The following STIM2 variants were observed in gnomAD, a reference collection of about 807,000 sequenced individuals.
STIM2 encodes the protein stromal interaction molecule 2.
Under a neutral mutation model 85.8 loss-of-function variants are expected in STIM2, and 31 were observed. That is an observed-to-expected ratio of 0.36 (90% CI 0.27 to 0.49). The LOEUF is 0.49. Ranked by LOEUF, STIM2 falls within the 20% of genes least tolerant of loss-of-function variation. The pLI, the probability that STIM2 is intolerant of heterozygous loss-of-function variation, is 0.98. For missense variants in STIM2, 841 were observed against 927.6 expected (o/e 0.91, Z 1.21); for synonymous variants, 356 against 331.1 (o/e 1.08, Z -0.82).
intron 1 of STIM2, among the ~76,000 whole-genome samples, chr4:26,900,371 A>T (rs1723873725): frequency 6.6e-6 from 1 of 152,200 alleles, no homozygotes; most frequent in Admixed American, 6.5e-5. Context: ...ACATGACATT[A>T]GGGGGAAAGA....
chr4:27,007,915 T>A, intron 8 of STIM2: 1 of 725,704 alleles, frequency 1.4e-6, no homozygotes, highest in South Asian at 1.6e-5. Context: ...AAAGTGACCT[T>A]AGTGATTTAA....
At chr4:26,884,698 G>A (rs1441836864) in intron 1 of STIM2, among the ~76,000 whole-genome samples, 2 of 152,176 alleles carry the variant, frequency 1.3e-5, no homozygotes, top group African/African-American at 4.8e-5. Flanking sequence ...CACCATTGGG[G>A]GATTAAGTAT....
At chr4:26,966,812 C>A (rs1431263411) in intron 3 of STIM2, among the ~76,000 whole-genome samples, 1 of 151,694 alleles carries the variant, frequency 6.6e-6, no homozygotes, top group African/African-American at 2.4e-5. Context: ...AATTAAAAAC[C>A]GTTTCAATCT....
At chr4:26,939,666 A>T (rs929600008) in intron 2 of STIM2, among the ~76,000 whole-genome samples, 8 of 152,030 alleles carry the variant, frequency 5.3e-5, no homozygotes, top group African/African-American at 1.7e-4. Flanking sequence ...ATGTTTGAAA[A>T]TTTTTATGCG....
At chr4:26,938,658 G>A (rs1725481637) in intron 2 of STIM2, among the ~76,000 whole-genome samples, 2 of 152,184 alleles carry the variant, frequency 1.3e-5, no homozygotes, top group Non-Finnish European at 2.9e-5. Context: ...AAAGTGCTAA[G>A]CTATATCAGG....
intron 1 of STIM2, among the ~76,000 whole-genome samples, chr4:26,875,263 C>G (rs1039709995): frequency 1.3e-5 from 2 of 152,090 alleles, no homozygotes; most frequent in Non-Finnish European, 1.5e-5. Flanking sequence ...TTTATGAGAT[C>G]TGTTCAAAAA....
chr4:26,921,519 C>T (rs760334291), intron 2 of STIM2, among the ~76,000 whole-genome samples: 4 of 152,194 alleles, frequency 2.6e-5, no homozygotes, highest in South Asian at 2.1e-4. Flanking sequence ...CAAGAACTAA[C>T]GGGCATGGCT....
chr4:26,865,035 G>C (rs1722348743), intron 1 of STIM2, among the ~76,000 whole-genome samples: 1 of 152,118 alleles, frequency 6.6e-6, no homozygotes, highest in East Asian at 1.9e-4. Flanking sequence ...TGTGACCGTA[G>C]ACTCAAAGTG....
chr4:26,990,875 A>G (rs985711834), intron 3 of STIM2, among the ~76,000 whole-genome samples: 3 of 152,162 alleles, frequency 2.0e-5, no homozygotes, highest in Non-Finnish European at 2.9e-5. Flanking sequence ...CCAAACTACA[A>G]TGAGATATTA....
chr4:26,928,836 C>G (rs1577443783), intron 2 of STIM2, among the ~76,000 whole-genome samples: 1 of 152,250 alleles, frequency 6.6e-6, no homozygotes, highest in Non-Finnish European at 1.5e-5. Flanking sequence ...AAAACTTAGG[C>G]TTAAAAAGTA....
At chr4:26,915,281 G>A (rs979687589) in intron 1 of STIM2, among the ~76,000 whole-genome samples, 1 of 151,956 alleles carries the variant, frequency 6.6e-6, no homozygotes, top group Non-Finnish European at 1.5e-5. Context: ...GTTACCCAGG[G>A]TGGAGTGTAG....
intron 1 of STIM2, among the ~76,000 whole-genome samples, chr4:26,893,100 T>C (rs962658212): frequency 9.9e-5 from 15 of 152,234 alleles, no homozygotes; most frequent in Admixed American, 9.8e-4. Flanking sequence ...GTGGCACTAA[T>C]GTATGCAGTT....
chr4:26,995,377 A>G lies in STIM2; in HGVS notation c.398-2A>G. ...TATGCATTCCCCTTTTATCTCCTGC[A>G]GTTCATAATTGGACCCTTGAAGACA... On this transcript the variant is annotated splice_acceptor_variant, in intron 3 of 11. Transcript: ENST00000467087. LOFTEE classifies it high-confidence loss of function. The G allele has an allele frequency of 6.5e-7, 1 of 1,542,398 alleles. No homozygotes were observed. The highest frequency in any genetic ancestry group is 8.8e-7 in the Non-Finnish European group (1 of 1,140,470).
At chr4:27,000,033 C>T (rs1286120525) in intron 5 of STIM2, among the ~76,000 whole-genome samples, 2 of 149,520 alleles carry the variant, frequency 1.3e-5, no homozygotes, top group Non-Finnish European at 3.0e-5. Context: ...TTGAAAAGTA[C>T]ACCTTTTAAA....
intron 1 of STIM2, among the ~76,000 whole-genome samples, chr4:26,904,620 C>T (rs1251764454): frequency 1.3e-5 from 2 of 151,954 alleles, no homozygotes; most frequent in Non-Finnish European, 2.9e-5. Flanking sequence ...GTGGTGAGAG[C>T]AGAGGCCTGA....
chr4:26,914,468 A>G (rs745737639), intron 1 of STIM2, among the ~76,000 whole-genome samples: 25 of 152,186 alleles, frequency 1.6e-4, no homozygotes, highest in Non-Finnish European at 2.8e-4. Context: ...AGACATGACT[A>G]TTCCCTTAGT....
intron 1 of STIM2, 168 bp downstream of exon 1, chr4:26,861,537 C>T (rs1722195634): frequency 7.4e-6 from 8 of 1,074,678 alleles, no homozygotes; most frequent in Non-Finnish European, 9.4e-6. Context: ...CTCCGGACGT[C>T]TTTCCTTTTC....
At position 26,861,344 on chromosome 4, in the gene STIM2, C is replaced by G; in HGVS notation, c.126C>G (p.Ala42=). 1 of 1,372,368 alleles carries G rather than the reference C, an allele frequency of 7.3e-7. No homozygotes were observed. Among genetic ancestry groups the G allele is most frequent in the South Asian group, 1.7e-5 (1 of 60,588 alleles). The allele number at this position is 1,372,368 out of a possible 1,614,324, so 85.0% of individuals were successfully genotyped here. ...CCGCCTCCTCTCCCGCCGCGGCGGC[C>G]GGCGATAGCCCGGCGCTCATGACAG... Residue 42 remains alanine, a synonymous_variant, in exon 1 of 12, where the codon GCC becomes GCG. Coordinates refer to ENST00000467087, the MANE Select transcript of STIM2 (RefSeq NM_020860.4).
chr4:26,884,109 A>T (rs1009705132), intron 1 of STIM2, among the ~76,000 whole-genome samples: 6 of 152,192 alleles, frequency 3.9e-5, no homozygotes, highest in Non-Finnish European at 7.4e-5. Flanking sequence ...TGTAGAACTC[A>T]CCCAAATGCA....
Sources: allele counts gnomAD v4.1 joint callset (sites outside exome capture counted in the v4.1 genomes callset), GRCh38; gene constraint gnomAD v4.1.1; transcripts MANE v1.5; gene names NCBI Gene and HGNC (gene_info 2026-07-23, HGNC 2026-07-21).